NTN4: variants seen among roughly 807,000 people sequenced by gnomAD.
The protein encoded by NTN4 is netrin 4.
In NTN4, 32 loss-of-function variants were observed where a neutral mutation model predicts 73.6. The ratio of observed to expected loss-of-function variants is 0.44; its 90% CI spans 0.33 to 0.58. The LOEUF is 0.58. NTN4 is among the 20% of genes least tolerant of loss of function. The probability of loss-of-function intolerance (pLI) is 0.04; values close to 1 mark genes in which losing one functional copy is unlikely to be tolerated. For synonymous variants in NTN4, 258 were observed against 287.5 expected (o/e 0.90, Z 1.04); for missense variants, 654 against 798.3 (o/e 0.82, Z 2.18).
rs1340183083 is a variant in NTN4 at position 95,781,250 on chromosome 12, T to C, written c.585+5689A>G. Among the ~76,000 whole-genome samples, 1 of 152,140 alleles carries C rather than the reference T, an allele frequency of 6.6e-6. No individual in the cohort carries two copies. The highest frequency in any genetic ancestry group is 1.5e-5 in the Non-Finnish European group (1 of 68,042). On this transcript the variant is annotated intron_variant, in intron 2 of 9. Coordinates refer to ENST00000343702, the MANE Select transcript of NTN4 (RefSeq NM_021229.4). The surrounding 1 kb of genome is among the most constrained non-coding windows in gnomAD (Gnocchi z 4.1). The stretch of plus-strand genomic sequence containing the variant: ...CACACCAGCATGGCACATGTATACA[T>C]ATGTAACAAACCTGCACGTTGTGCA...
At chr12:95,667,206 T>C (rs76910424) in intron 8 of NTN4, among the ~76,000 whole-genome samples, 2 of 151,884 alleles carry the variant, frequency 1.3e-5, no homozygotes, top group East Asian at 3.9e-4. Context: ...TTTTTTTTTT[T>C]TGAGATGGAG....
chr12:95,763,247 T>C (rs2079000505), intron 2 of NTN4, among the ~76,000 whole-genome samples: 1 of 151,494 alleles, frequency 6.6e-6, no homozygotes, highest in South Asian at 2.1e-4. Flanking sequence ...AAAGAATTTT[T>C]AATAATCAAA....
At chr12:95,753,070 TCCA>T (rs2078922246) in intron 2 of NTN4, among the ~76,000 whole-genome samples, 1 of 152,052 alleles carries the variant, frequency 6.6e-6, no homozygotes. Flanking sequence ...ATTTCTCTGA[TCCA>T]CCTGATATTC....
At chr12:95,701,419 T>A (rs2431008) in intron 5 of NTN4, among the ~76,000 whole-genome samples, 46,887 of 149,878 alleles carry the variant, frequency 0.31, 8,540 homozygotes, top group East Asian at 0.56. Context: ...CTTTCAAAAA[T>A]TTTTTTTTCC....
At chr12:95,731,954 T>C (rs1287412047) in intron 3 of NTN4, among the ~76,000 whole-genome samples, 1 of 152,162 alleles carries the variant, frequency 6.6e-6, no homozygotes, top group Non-Finnish European at 1.5e-5. Flanking sequence ...ACTTGTAGCA[T>C]GACAGCACAA....
At chr12:95,660,831 T>G (rs1374768978) in intron 9 of NTN4, among the ~76,000 whole-genome samples, 4 of 152,170 alleles carry the variant, frequency 2.6e-5, no homozygotes, top group Admixed American at 2.6e-4. Flanking sequence ...CATTTTTCAC[T>G]GAAATGACTG....
At chr12:95,671,893 G>A (rs1350151654) in intron 7 of NTN4, among the ~76,000 whole-genome samples, 1 of 152,036 alleles carries the variant, frequency 6.6e-6, no homozygotes, top group Non-Finnish European at 1.5e-5. Flanking sequence ...GCATTTCATA[G>A]GCATTGAGTG....
At chr12:95,691,793 G>A (rs1383396093) in intron 5 of NTN4, among the ~76,000 whole-genome samples, 1 of 151,950 alleles carries the variant, frequency 6.6e-6, no homozygotes, top group Non-Finnish European at 1.5e-5. Flanking sequence ...CACAGCTGTG[G>A]TGAACTGTCC....
intron 2 of NTN4, among the ~76,000 whole-genome samples, chr12:95,740,255 G>C (rs1406492854): frequency 6.6e-6 from 1 of 152,160 alleles, no homozygotes; most frequent in African/African-American, 2.4e-5. Flanking sequence ...CTTCTGGCAG[G>C]TCGCCCTTTG....
In NTN4 at chr12:95,738,024, A is replaced by G; in HGVS notation, c.706T>C (p.Cys236Arg). ...VQLLKRQSCP[C>R]QRNDLNEEPQ... ...TCTTCGTTCAGGTCATTTCTCTGAC[A>G]GGGACAAGACTGTCGTTTCAGCAGC... Residue 236 changes from cysteine to arginine, a missense_variant, in exon 3 of 10, where the codon TGT becomes CGT. By Grantham distance (180) the Cys-to-Arg change is radical (BLOSUM62 -3). Coordinates refer to ENST00000343702, the MANE Select transcript of NTN4 (RefSeq NM_021229.4). 1 of 1,614,174 alleles carries G rather than the reference A, an allele frequency of 6.2e-7. No homozygotes were observed. The highest frequency in any genetic ancestry group is 2.2e-5 in the East Asian group (1 of 44,876).
chr12:95,659,787 C>T (rs2120900695), intron 9 of NTN4, among the ~76,000 whole-genome samples: 1 of 152,248 alleles, frequency 6.6e-6, no homozygotes, highest in East Asian at 1.9e-4. Flanking sequence ...AACTGAGGCT[C>T]AGCAAGGCTA....
At chr12:95,674,344 T>G (rs1454270842) in intron 7 of NTN4, among the ~76,000 whole-genome samples, 2 of 152,210 alleles carry the variant, frequency 1.3e-5, no homozygotes, top group Non-Finnish European at 2.9e-5. Flanking sequence ...AGAGCAGACA[T>G]AGGTCTATTG....
rs556927509 is a variant in NTN4 at position 95,787,436 on chromosome 12, A to G, written c.88T>C (p.Cys30Arg). Reference sequence around the variant, plus strand: ...ATCCGAGGGTTGCAGGCTTTTTCACAGCGGGAACTCACTCCAGCTACTCCA... The same window carrying G: ...ATCCGAGGGTTGCAGGCTTTTTCACGGCGGGAACTCACTCCAGCTACTCCA... ...LSGVAGVSSR[C>R]EKACNPRMGN... Residue 30 changes from cysteine (C) to arginine (R), a missense_variant, in exon 2 of 10, where the codon TGT (cysteine) becomes CGT (arginine). Coordinates refer to ENST00000343702, the MANE Select transcript of NTN4 (RefSeq NM_021229.4). 38 of 1,614,152 alleles carry G rather than the reference A, an allele frequency of 2.4e-5. No individual in the cohort carries two copies. Among genetic ancestry groups the G allele is most frequent in the Non-Finnish European group, 2.7e-5 (32 of 1,180,048 alleles).
intron 2 of NTN4, among the ~76,000 whole-genome samples, chr12:95,763,077 A>G (rs1050706825): frequency 1.3e-5 from 2 of 152,186 alleles, no homozygotes; most frequent in Non-Finnish European, 2.9e-5. Context: ...ATAAAGAAAT[A>G]CTTGTTTATT....
intron 2 of NTN4, among the ~76,000 whole-genome samples, chr12:95,762,803 A>G (rs2078997364): frequency 6.6e-6 from 1 of 152,264 alleles, no homozygotes; most frequent in Non-Finnish European, 1.5e-5. Context: ...TTGGGCTTGC[A>G]GAGCAAGAAA....
intron 2 of NTN4, among the ~76,000 whole-genome samples, chr12:95,753,983 C>T (rs1365076057): frequency 6.6e-6 from 1 of 152,158 alleles, no homozygotes; most frequent in East Asian, 1.9e-4. Context: ...CCGGTTTACA[C>T]TGTTTCTCCA....
chr12:95,737,120 C>A (rs146513689), intron 3 of NTN4, among the ~76,000 whole-genome samples: 370 of 152,278 alleles, frequency 2.4e-3, no homozygotes, highest in African/African-American at 8.3e-3. Context: ...TACTGCTGAG[C>A]CACTCTGTAT....
intron 3 of NTN4, among the ~76,000 whole-genome samples, chr12:95,716,203 A>G (rs1259775204): frequency 6.6e-6 from 1 of 152,152 alleles, no homozygotes; most frequent in Non-Finnish European, 1.5e-5. Flanking sequence ...GGCATTAGGG[A>G]AAATGTTAAG....
Position 95,713,207 on chromosome 12 carries a change from C to G in NTN4, c.991+5G>C. On this transcript the variant is annotated splice_donor_5th_base_variant and intron_variant, in intron 4 of 9. Coordinates refer to ENST00000343702, the MANE Select transcript of NTN4 (RefSeq NM_021229.4). ...GCTTTTGAGTATCGTGGGCTTGTTA[C>G]TTACTTCTGCACTCGTTGGGAGCCC... 6.2e-7 allele frequency: 1 copy of G among 1,609,986 alleles called. No homozygotes were observed. The highest frequency in any genetic ancestry group is 8.5e-7 in the Non-Finnish European group (1 of 1,176,672).
Sources: gnomAD v4.1 joint callset for allele counts (sites outside exome capture counted in the v4.1 genomes callset) on GRCh38, gnomAD v4.1.1 for gene constraint, Gnocchi (gnomAD v3.1) non-coding constraint, MANE v1.5 for transcripts, NCBI Gene and HGNC (gene_info 2026-07-23, HGNC 2026-07-21) for gene names.